Variants in KAZN observed in about 807,000 individuals in gnomAD.
The protein encoded by KAZN is kazrin, periplakin interacting protein, also known as kazrin.
Under a neutral mutation model 87.4 loss-of-function variants are expected in KAZN, and 40 were observed. The ratio of observed to expected loss-of-function variants is 0.46; its 90% CI spans 0.36 to 0.60. KAZN has a LOEUF of 0.60. Among genes scored for constraint, KAZN ranks in the 20% least tolerant of loss-of-function variants. KAZN has a pLI of 0.00. For missense variants in KAZN, 898 were observed against 1,073.9 expected, an observed-to-expected ratio of 0.84 and a Z score of 2.29; for synonymous variants, 466 against 458.3, an observed-to-expected ratio of 1.02 and a Z score of -0.22.
intron 4 of KAZN, among the ~76,000 whole-genome samples, chr1:15,055,073 C>T (rs1034206839): frequency 6.6e-6 from 1 of 151,746 alleles, no homozygotes; most frequent in Non-Finnish European, 1.5e-5. Flanking sequence ...GGAGAAGAAG[C>T]AGCCTTCAAT....
chr1:14,385,831 G>A (rs866365338), intron 2 of KAZN, among the ~76,000 whole-genome samples: 7 of 148,376 alleles, frequency 4.7e-5, no homozygotes, highest in East Asian at 2.0e-4. Flanking sequence ...TATTAGGTCC[G>A]CTTGGTGCAG....
Position 13,926,488 on chromosome 1 carries a change from CCCCTGCCTTTT to C in KAZN, c.91+32737_91+32747del, listed in dbSNP as rs1197380022. Among the ~76,000 whole-genome samples, 5 of 152,292 alleles carry C rather than the reference CCCCTGCCTTTT, an allele frequency of 3.3e-5. No individual in the cohort carries two copies. In the East Asian group the frequency reaches 9.7e-4, roughly 29 times the overall value. ...CACCCGATGGCTTCCTCCCACATTT[CCCCTGCCTTTT>C]CCCTATTTTCAAGTCCCCTTTGCAC... On this transcript the variant is annotated intron_variant, in intron 1 of 16. Transcript: ENST00000636203.
chr1:14,612,085 G>A (rs545667670), intron 1 of KAZN, among the ~76,000 whole-genome samples: 4 of 152,118 alleles, frequency 2.6e-5, no homozygotes, highest in African/African-American at 9.7e-5. Context: ...GACCCAGCTC[G>A]ACACACAGGA....
intron 2 of KAZN, among the ~76,000 whole-genome samples, chr1:14,975,290 C>CT (rs1463525337): frequency 6.6e-6 from 1 of 152,228 alleles, no homozygotes; most frequent in African/African-American, 2.4e-5. Context: ...TCCCGCCCAA[C>CT]TTTTTAAATA....
intron 1 of KAZN, among the ~76,000 whole-genome samples, chr1:13,955,900 G>A (rs1433304782): frequency 2.0e-5 from 3 of 152,104 alleles, no homozygotes; most frequent in Non-Finnish European, 2.9e-5. Context: ...TCTCCAGAGG[G>A]TTACAGCCTG....
intron 1 of KAZN, among the ~76,000 whole-genome samples, chr1:13,987,045 G>A (rs1639052015): frequency 6.6e-6 from 1 of 152,208 alleles, no homozygotes; most frequent in African/African-American, 2.4e-5. Context: ...TCCATTGTAA[G>A]GTATGCCCCT....
At chr1:15,068,496 G>T (rs550801736) in intron 8 of KAZN, among the ~76,000 whole-genome samples, 2 of 152,188 alleles carry the variant, frequency 1.3e-5, no homozygotes, top group African/African-American at 4.8e-5. Context: ...CCTTCCAGAG[G>T]CCCCAAAGGA....
intron 2 of KAZN, among the ~76,000 whole-genome samples, chr1:14,522,180 T>C (rs746510817): frequency 1.3e-5 from 2 of 152,178 alleles, no homozygotes; most frequent in Non-Finnish European, 2.9e-5. Flanking sequence ...AAGTAAGATA[T>C]AATTTTCTGC....
intron 2 of KAZN, among the ~76,000 whole-genome samples, chr1:14,969,574 A>G (rs1392547673): frequency 6.6e-6 from 1 of 152,146 alleles, no homozygotes; most frequent in Non-Finnish European, 1.5e-5. Flanking sequence ...TTCCTTACAT[A>G]CTACCGGCTG....
In KAZN at chr1:14,383,759, G is replaced by A. The variant is rs1009486977; in HGVS notation, c.249+203167G>A. Reference sequence around the variant, plus strand: ...TGAAGTCAGGTACTGTGATGCCTCCGCCTTTGTTCTTTTGGCTTAGGATTG... The same window carrying A: ...TGAAGTCAGGTACTGTGATGCCTCCACCTTTGTTCTTTTGGCTTAGGATTG... On this transcript the variant is annotated intron_variant, in intron 2 of 16. Transcript: ENST00000636203. Among the ~76,000 whole-genome samples, 53 of 151,660 alleles carry A rather than the reference G, an allele frequency of 3.5e-4. 1 individual carries two copies. The highest frequency in any genetic ancestry group is 8.3e-4 in the African/African-American group (34 of 41,092).
intron 2 of KAZN, among the ~76,000 whole-genome samples, chr1:14,234,378 G>T (rs544917498): frequency 1.3e-4 from 20 of 148,560 alleles, no homozygotes; most frequent in African/African-American, 4.4e-4. Context: ...CACAGGGAGG[G>T]GAACATCACA....
chr1:14,287,703 C>A (rs1185112381), intron 2 of KAZN, among the ~76,000 whole-genome samples: 1 of 152,208 alleles, frequency 6.6e-6, no homozygotes, highest in African/African-American at 2.4e-5. Context: ...CTGGCCAGAA[C>A]TTCCAACACT....
chr1:14,968,525 T>A (rs1313515637), intron 2 of KAZN, among the ~76,000 whole-genome samples: 1 of 152,222 alleles, frequency 6.6e-6, no homozygotes, highest in Non-Finnish European at 1.5e-5. Flanking sequence ...CCAGGCCCTC[T>A]CTTTCCCTGG....
chr1:14,940,405 T>C (rs1330840365), intron 1 of KAZN, among the ~76,000 whole-genome samples: 5 of 152,230 alleles, frequency 3.3e-5, no homozygotes, highest in Non-Finnish European at 7.3e-5. Flanking sequence ...CACTTGAGGA[T>C]CTTACACACT....
chr1:14,926,889 G>A (rs1424698558), intron 1 of KAZN, among the ~76,000 whole-genome samples: 1 of 152,210 alleles, frequency 6.6e-6, no homozygotes, highest in Admixed American at 6.5e-5. Context: ...CACTTTCAGA[G>A]ATGTGGGGAA....
At chr1:14,959,578 G>C (rs1663590519) in intron 1 of KAZN, among the ~76,000 whole-genome samples, 1 of 152,176 alleles carries the variant, frequency 6.6e-6, no homozygotes, top group East Asian at 1.9e-4. Flanking sequence ...GGTGAGTGTG[G>C]TACCTTTGTC....
In KAZN at chr1:15,099,658, C is replaced by A. The variant is rs1051620246; in HGVS notation, c.1548-1885C>A. On this transcript the variant is annotated intron_variant, in intron 10 of 14. Coordinates refer to ENST00000376030, the MANE Select transcript of KAZN (RefSeq NM_201628.3). The surrounding 1 kb of genome is among the most constrained non-coding windows in gnomAD (Gnocchi z 5.4). The stretch of plus-strand genomic sequence containing the variant: ...GCCAGTGCAGGTGACCCTTGTGGAC[C>A]ATTCAAAGGACTTGCGATTTTACTC... 2.0e-5 allele frequency among the ~76,000 whole-genome samples: 3 copies of A among 152,156 alleles called. No homozygotes were observed. Among genetic ancestry groups the A allele is most frequent in the African/African-American group, 7.2e-5 (3 of 41,434 alleles).
chr1:13,930,368 C>A (rs1640461249), intron 1 of KAZN, among the ~76,000 whole-genome samples: 1 of 152,206 alleles, frequency 6.6e-6, no homozygotes, highest in South Asian at 2.1e-4. Flanking sequence ...CAGAGGGCAG[C>A]CTACCTGTCG....
intron 1 of KAZN, among the ~76,000 whole-genome samples, chr1:14,624,702 TTTA>T: frequency 6.6e-6 from 1 of 152,176 alleles, no homozygotes; most frequent in Non-Finnish European, 1.5e-5. Flanking sequence ...TCAACAAACA[TTTA>T]TTGAGTCCTT....
Sources: allele counts gnomAD v4.1 joint callset (sites outside exome capture counted in the v4.1 genomes callset), GRCh38; gene constraint gnomAD v4.1.1; non-coding constraint Gnocchi (gnomAD v3.1); transcripts MANE v1.5; gene names NCBI Gene and HGNC (gene_info 2026-07-23, HGNC 2026-07-21).